C8orf34: variants seen among roughly 807,000 people sequenced by gnomAD.
The protein encoded by C8orf34 is uncharacterized protein C8orf34.
Under a neutral mutation model 68.3 loss-of-function variants are expected in C8orf34, and 65 were observed. The observed-to-expected ratio is 0.95, with a 90% CI of 0.78 to 1.17. C8orf34 has a LOEUF of 1.17. Ranked by LOEUF, C8orf34 falls within the 50% of genes most tolerant of loss-of-function variation. The pLI, the probability that C8orf34 is intolerant of heterozygous loss-of-function variation, is 0.00. For synonymous variants in C8orf34, 244 were observed against 241.2 expected (o/e 1.01, Z -0.11); for missense variants, 664 against 655.4 (o/e 1.01, Z -0.14).
At chr8:68,652,425 T>C (rs748867320) in intron 8 of C8orf34, among the ~76,000 whole-genome samples, 8 of 152,204 alleles carry the variant, frequency 5.3e-5, no homozygotes, top group African/African-American at 9.6e-5. Context: ...TCAAGTCCCA[T>C]TTATCTGTGT....
intron 2 of C8orf34, among the ~76,000 whole-genome samples, chr8:68,441,372 G>T (rs1810903122): frequency 6.6e-6 from 1 of 152,086 alleles, no homozygotes; most frequent in African/African-American, 2.4e-5. Context: ...CATCTCCTAG[G>T]TGCAACCCAG....
chr8:68,582,778 CAG>C (rs898935564), intron 7 of C8orf34, among the ~76,000 whole-genome samples: 3 of 152,060 alleles, frequency 2.0e-5, no homozygotes, highest in African/African-American at 4.8e-5. Flanking sequence ...CAAAAACAAA[CAG>C]AAGTTGATTA....
At chr8:68,645,753 T>C (rs1281722456) in intron 8 of C8orf34, among the ~76,000 whole-genome samples, 1 of 152,218 alleles carries the variant, frequency 6.6e-6, no homozygotes, top group East Asian at 1.9e-4. Flanking sequence ...AAAGAGCCCA[T>C]CAACGACCTA....
intron 10 of C8orf34, among the ~76,000 whole-genome samples, chr8:68,727,588 T>C (rs918349738): frequency 4.6e-5 from 7 of 152,246 alleles, no homozygotes; most frequent in Admixed American, 2.6e-4. Flanking sequence ...ATACAGGCCC[T>C]GCTCCTGCAG....
At chr8:68,510,450 A>C (rs1814217420) in intron 5 of C8orf34, among the ~76,000 whole-genome samples, 1 of 152,194 alleles carries the variant, frequency 6.6e-6, no homozygotes, top group African/African-American at 2.4e-5. Context: ...AGGTTTTTAC[A>C]TTAGCTATTC....
intron 10 of C8orf34, among the ~76,000 whole-genome samples, chr8:68,759,934 C>T (rs1250679709): frequency 6.6e-6 from 1 of 152,120 alleles, no homozygotes; most frequent in Non-Finnish European, 1.5e-5. Flanking sequence ...TACTCATTGC[C>T]ATTAAAGCAC....
chr8:68,498,059 C>T (rs184954676), intron 5 of C8orf34, among the ~76,000 whole-genome samples: 4 of 152,054 alleles, frequency 2.6e-5, no homozygotes, highest in Non-Finnish European at 5.9e-5. Context: ...ACCTCCCGAC[C>T]GCAGGTGATC....
intron 1 of C8orf34, among the ~76,000 whole-genome samples, chr8:68,399,921 C>T (rs868739826): frequency 9.9e-5 from 15 of 152,024 alleles, no homozygotes; most frequent in Middle Eastern, 3.2e-3. Context: ...TGATGATGAG[C>T]ATTTTTTCAT....
Position 68,625,218 on chromosome 8 carries a change from G to A in C8orf34, c.1106-15158G>A, listed in dbSNP as rs538639137. 6.0e-4 allele frequency among the ~76,000 whole-genome samples: 91 copies of A among 152,272 alleles called. 1 individual carries two copies. The highest frequency in any genetic ancestry group is 2.5e-3 in the Admixed American group (38 of 15,290). On this transcript the variant is annotated intron_variant, in intron 7 of 13. Transcript: ENST00000518698. ...AGCAAGTACAAGAGACCTCAGGGCC[G>A]TAATATTCTTGGCCTGCTCCCAGTA...
intron 1 of C8orf34, among the ~76,000 whole-genome samples, chr8:68,341,508 A>C (rs1806068893): frequency 6.6e-6 from 1 of 152,230 alleles, no homozygotes. Flanking sequence ...CAGATAATAT[A>C]GTGTGGATGT....
chr8:68,468,689 T>C lies in C8orf34; in HGVS notation c.608-3T>C. On this transcript the variant is annotated splice_region_variant and splice_polypyrimidine_tract_variant and intron_variant, in intron 3 of 13. Coordinates refer to ENST00000518698, the MANE Select transcript of C8orf34 (RefSeq NM_052958.4). The stretch of plus-strand genomic sequence containing the variant: ...ATGAAATTACCATTTTTTTTAAACA[T>C]AGTGCCAAGGTCAGTAGAGCATCCA... 6.2e-7 allele frequency: 1 copy of C among 1,606,492 alleles called. No homozygotes were observed.
At chr8:68,779,484 A>G (rs1218535129) in intron 11 of C8orf34, among the ~76,000 whole-genome samples, 9 of 152,108 alleles carry the variant, frequency 5.9e-5, no homozygotes, top group South Asian at 2.1e-4. Context: ...CAGCTTCACA[A>G]TCTCTTAGGG....
At chr8:68,536,819 T>A (rs1234931689) in intron 7 of C8orf34, among the ~76,000 whole-genome samples, 1 of 152,100 alleles carries the variant, frequency 6.6e-6, no homozygotes, top group Non-Finnish European at 1.5e-5. Flanking sequence ...TTATATAAAA[T>A]CCAAAATCAA....
At chr8:68,596,706 T>C (rs1028771478) in intron 7 of C8orf34, among the ~76,000 whole-genome samples, 1 of 152,152 alleles carries the variant, frequency 6.6e-6, no homozygotes, top group Non-Finnish European at 1.5e-5. Flanking sequence ...CAGTCTTTCA[T>C]AAGGGGCTGG....
intron 7 of C8orf34, among the ~76,000 whole-genome samples, chr8:68,592,220 A>T (rs527449578): frequency 3.9e-5 from 4 of 101,644 alleles, no homozygotes; most frequent in Admixed American, 1.9e-4. Context: ...ATGGTAATAT[A>T]TTTAATTTTT....
At chr8:68,655,699 C>T (rs966686924) in intron 8 of C8orf34, among the ~76,000 whole-genome samples, 2 of 152,068 alleles carry the variant, frequency 1.3e-5, no homozygotes, top group Admixed American at 6.6e-5. Context: ...TTTTGACTTA[C>T]AATATTTTCC....
intron 3 of C8orf34, among the ~76,000 whole-genome samples, chr8:68,465,002 AG>A (rs1277221173): frequency 4.0e-5 from 6 of 150,836 alleles, no homozygotes; most frequent in African/African-American, 1.5e-4. Context: ...CTACCATCAG[AG>A]TGAACAGGCA....
chr8:68,738,179 A>G (rs1341810844), intron 10 of C8orf34, among the ~76,000 whole-genome samples: 1 of 152,176 alleles, frequency 6.6e-6, no homozygotes, highest in Non-Finnish European at 1.5e-5. Context: ...TGGAAATTGA[A>G]TAACCTGCTC....
intron 4 of C8orf34, among the ~76,000 whole-genome samples, chr8:68,482,937 C>G (rs529886975): frequency 1.3e-5 from 2 of 151,848 alleles, no homozygotes; most frequent in Non-Finnish European, 2.9e-5. Flanking sequence ...AGGCTTAAAA[C>G]AAGAAAGAAT....
Sources: allele counts gnomAD v4.1 joint callset (sites outside exome capture counted in the v4.1 genomes callset), GRCh38; gene constraint gnomAD v4.1.1; transcripts MANE v1.5; gene names NCBI Gene and HGNC (gene_info 2026-07-23, HGNC 2026-07-21).